Variants in SATL1 observed in about 807,000 individuals in gnomAD.
SATL1 encodes spermidine/spermine N1-acetyl transferase like 1.
A neutral mutation model predicts 51.8 loss-of-function variants in SATL1; 47 were observed. The observed-to-expected ratio is 0.91, with a 90% CI of 0.72 to 1.16. The LOEUF (loss-of-function observed/expected upper bound fraction) is 1.16. Ranked by LOEUF, SATL1 falls within the 50% of genes most tolerant of loss-of-function variation. The pLI is 0.00. For missense variants in SATL1, 520 were observed against 526.4 expected (o/e 0.99, Z 0.12); for synonymous variants, 176 against 182.4 (o/e 0.97, Z 0.28).
rs758964309 is a variant in SATL1 at position 85,114,581 on chromosome X, G to GGGCAGT, written c.-312-5307_-312-5302dup. The stretch of plus-strand genomic sequence containing the variant: ...TGTCTGTGGATAACAAAAAGTCTTA[G>GGGCAGT]GGCAGTGAGAGTCAAAGACAAAATT... On this transcript the variant is annotated intron_variant, in intron 2 of 7. Coordinates refer to ENST00000644105, the MANE Select transcript of SATL1 (RefSeq NM_001367857.2). Among the ~76,000 whole-genome samples, 891 of 112,197 alleles carry GGGCAGT rather than the reference G, an allele frequency of 7.9e-3. 11 individuals carry two copies. The highest frequency in any genetic ancestry group is 0.027 in the African/African-American group (834 of 30,949).
intron 1 of SATL1, among the ~76,000 whole-genome samples, chrX:85,227,347 G>T (rs1237629517): frequency 2.7e-5 from 3 of 111,575 alleles, no homozygotes; most frequent in Non-Finnish European, 1.9e-5. Context: ...ACTTTGAACT[G>T]CACAAAAGTA....
At chrX:85,134,727 C>T (rs960131781) in intron 2 of SATL1, among the ~76,000 whole-genome samples, 18 of 111,528 alleles carry the variant, frequency 1.6e-4, no homozygotes, top group African/African-American at 5.9e-4. Context: ...GTAAAAGAAG[C>T]TTTTATGAAA....
intron 2 of SATL1, among the ~76,000 whole-genome samples, chrX:85,152,961 G>A (rs1306216161): frequency 9.2e-6 from 1 of 108,162 alleles, no homozygotes; most frequent in Non-Finnish European, 1.9e-5. Context: ...AAAACTTAAA[G>A]TATAATAATA....
At chrX:85,127,405 A>C (rs1311047630) in intron 2 of SATL1, among the ~76,000 whole-genome samples, 2 of 111,812 alleles carry the variant, frequency 1.8e-5, no homozygotes, top group African/African-American at 6.5e-5. Flanking sequence ...ATCAGATCCA[A>C]GAACCAAGGA....
At chrX:85,116,979 G>A (rs767717512) in intron 2 of SATL1, among the ~76,000 whole-genome samples, 33 of 111,203 alleles carry the variant, frequency 3.0e-4, no homozygotes, top group African/African-American at 1.0e-3. Context: ...GGAACATTTG[G>A]TTGGTAAGGG....
At chrX:85,216,515 C>T (rs1323133168) in intron 2 of SATL1, among the ~76,000 whole-genome samples, 2 of 111,345 alleles carry the variant, frequency 1.8e-5, no homozygotes, top group Admixed American at 9.5e-5. Context: ...TATAGAACTT[C>T]ATTCTCTTTC....
chrX:85,104,379 G>GTTATTTTACAACCTGA, intron 3 of SATL1, among the ~76,000 whole-genome samples: 1 of 111,265 alleles, frequency 9.0e-6, no homozygotes, highest in South Asian at 3.8e-4. Flanking sequence ...TACATACTCA[G>GTTATTTTACAACCTGA]GTTCTTTCCT....
At chrX:85,126,281 T>C (rs1925623361) in intron 2 of SATL1, among the ~76,000 whole-genome samples, 1 of 111,667 alleles carries the variant, frequency 9.0e-6, no homozygotes, top group Admixed American at 9.6e-5. Context: ...TCCTACTTTG[T>C]CAGTCCTTCC....
chrX:85,094,220 G>A lies in SATL1; in HGVS notation c.1784C>T (p.Thr595Ile), dbSNP rs1408637769. The change falls in exon 6 of 8, where the codon ACT (threonine) becomes ATT (isoleucine). Residue 595 changes from threonine (T) to isoleucine (I), a missense_variant. Around this residue, in one of 3 missense-constraint regions of SATL1, gnomAD observed 488 missense variants for 474.3 expected, o/e 1.03. Transcript: ENST00000644105. ...NDQQKPSGKLTVGFAMYYFTY... is the reference protein window; with the variant it reads ...NDQQKPSGKLIVGFAMYYFTY... ...AAAGTAGTACATGGCAAATCCAACA[G>A]TCAGTTTGCCTAGGAAGGGAGAAGA... The A allele has an allele frequency of 1.7e-6, 2 of 1,155,842 alleles. No homozygotes were observed. Among genetic ancestry groups the A allele is most frequent in the Admixed American group, 4.4e-5 (2 of 45,707 alleles).
chrX:85,100,937 C>T (rs749593170), intron 4 of SATL1, among the ~76,000 whole-genome samples: 3 of 111,863 alleles, frequency 2.7e-5, no homozygotes, highest in African/African-American at 9.7e-5. Context: ...GTTCTATGAC[C>T]ATTCATGGGG....
chrX:85,162,062 CT>C (rs941542304), intron 2 of SATL1, among the ~76,000 whole-genome samples: 2 of 111,641 alleles, frequency 1.8e-5, no homozygotes, highest in African/African-American at 6.5e-5. Flanking sequence ...TCCTGAATGG[CT>C]TTTGGGTTAA....
chrX:85,105,910 C>T (rs1925028249), intron 3 of SATL1, among the ~76,000 whole-genome samples: 1 of 111,753 alleles, frequency 8.9e-6, no homozygotes. Context: ...TCCCAATAAA[C>T]ATCTTATGTA....
At chrX:85,147,486 A>G (rs1253902340) in intron 2 of SATL1, among the ~76,000 whole-genome samples, 1 of 114,341 alleles carries the variant, frequency 8.7e-6, no homozygotes, top group African/African-American at 3.2e-5. Flanking sequence ...CCCAGCATGC[A>G]GCTGGAGATC....
intron 2 of SATL1, among the ~76,000 whole-genome samples, chrX:85,188,162 T>C (rs1372934091): frequency 2.7e-5 from 3 of 111,806 alleles, no homozygotes; most frequent in East Asian, 5.6e-4. Context: ...AAAAAGATAA[T>C]TGGCCATAGC....
intron 1 of SATL1, among the ~76,000 whole-genome samples, chrX:85,236,603 A>G (rs1928485455): frequency 8.9e-6 from 1 of 111,869 alleles, no homozygotes; most frequent in African/African-American, 3.2e-5. Context: ...GATCATTTCA[A>G]TTGATGCTGA....
rs1925080834 is a variant in SATL1, at chrX:85,107,490, T to C, written c.1479A>G (p.Gln493=). 2 of 1,212,412 alleles carry C rather than the reference T, an allele frequency of 1.6e-6. No individual in the cohort carries two copies. Among genetic ancestry groups the C allele is most frequent in the Non-Finnish European group, 1.1e-6 (1 of 895,662 alleles). ...EPGPSQPGLS[Q]QDLNQLVLSQ... is the part of the protein sequence containing the mutation. ...TCAGCACTAATTGGTTCAGGTCTTG[T>C]TGGCTCAGGCCTGGCTGACTCGGCC... The change falls in exon 3 of 8, where the codon CAA becomes CAG. Residue 493 remains glutamine, a synonymous_variant. Coordinates refer to ENST00000644105, the MANE Select transcript of SATL1 (RefSeq NM_001367857.2).
chrX:85,142,649 T>C (rs1926138286), intron 2 of SATL1: 1 of 110,004 alleles, frequency 9.1e-6, no homozygotes, highest in African/African-American at 3.3e-5. Context: ...GGGAGAAGAG[T>C]GGATTCTGAG....
intron 2 of SATL1, among the ~76,000 whole-genome samples, chrX:85,188,197 T>C (rs185723471): frequency 1.8e-5 from 2 of 111,728 alleles, no homozygotes; most frequent in African/African-American, 6.5e-5. Context: ...TCAAAAAATA[T>C]ATGTTAGCTG....
intron 4 of SATL1, among the ~76,000 whole-genome samples, chrX:85,102,405 T>C (rs1194154284): frequency 8.9e-6 from 1 of 111,780 alleles, no homozygotes; most frequent in Admixed American, 9.6e-5. Context: ...ACAATGGATG[T>C]ATTGAATGTC....
Sources: allele counts gnomAD v4.1 joint callset (sites outside exome capture counted in the v4.1 genomes callset), GRCh38; gene constraint gnomAD v4.1.1; regional missense constraint gnomAD v4.1.1; transcripts MANE v1.5; gene names NCBI Gene and HGNC (gene_info 2026-07-23, HGNC 2026-07-21).